The following UNC13B variants were observed in gnomAD, a reference collection of about 807,000 sequenced individuals.
The protein encoded by UNC13B is unc-13 homolog B, also known as protein unc-13 homolog B.
In UNC13B, 144 loss-of-function variants were observed where a neutral mutation model predicts 211.0. That is an observed-to-expected ratio of 0.68 (90% confidence interval 0.60 to 0.78). The LOEUF (loss-of-function observed/expected upper bound fraction) is 0.78, where lower values mean the gene tolerates loss of function less well. Ranked by LOEUF, UNC13B falls within the 30% of genes least tolerant of loss-of-function variation. The pLI, the probability that UNC13B is intolerant of heterozygous loss-of-function variation, is 0.00. For synonymous variants in UNC13B, 709 were observed against 725.8 expected, an observed-to-expected ratio of 0.98 and a Z score of 0.37; for missense variants, 1,777 against 2,002.0, an observed-to-expected ratio of 0.89 and a Z score of 2.14.
chr9:35,235,823 A>C (rs2381302), intron 3 of UNC13B, among the ~76,000 whole-genome samples: 84,128 of 151,984 alleles, frequency 0.55, 23,588 homozygotes, highest in East Asian at 0.58. Context: ...TTAACAATAA[A>C]ACATATAAAA....
intron 8 of UNC13B, among the ~76,000 whole-genome samples, chr9:35,298,173 C>T (rs1410743081): frequency 6.6e-6 from 1 of 152,168 alleles, no homozygotes; most frequent in African/African-American, 2.4e-5. Flanking sequence ...AATCCCAGCA[C>T]TTTGGGAGGC....
At chr9:35,292,115 G>A (rs975944228) in intron 7 of UNC13B, among the ~76,000 whole-genome samples, 4 of 152,110 alleles carry the variant, frequency 2.6e-5, no homozygotes, top group Non-Finnish European at 5.9e-5. Context: ...AAAAAAATGT[G>A]AATGAATTTT....
chr9:35,396,442 T>C (rs368586570), intron 26 of UNC13B, 34 bp from the exon 27 acceptor site: 2 of 1,613,338 alleles, frequency 1.2e-6, no homozygotes, highest in African/African-American at 2.7e-5. Context: ...CCTCTACTGC[T>C]GGGACCTGAC....
intron 1 of UNC13B, among the ~76,000 whole-genome samples, chr9:35,183,805 GA>G (rs2131312646): frequency 7.8e-6 from 1 of 127,654 alleles, no homozygotes; most frequent in African/African-American, 3.0e-5. Context: ...CATCCCAGAC[GA>G]TGGGCGGCCG....
intron 1 of UNC13B, among the ~76,000 whole-genome samples, chr9:35,184,568 C>T (rs763056063): frequency 4.6e-5 from 7 of 152,082 alleles, no homozygotes; most frequent in South Asian, 4.1e-4. Context: ...ACCAGTCAGG[C>T]GTGGCAGCGC....
chr9:35,362,412 G>A (rs1383486997), intron 11 of UNC13B, among the ~76,000 whole-genome samples: 1 of 152,200 alleles, frequency 6.6e-6, no homozygotes, highest in Non-Finnish European at 1.5e-5. Flanking sequence ...GATAAAGTAG[G>A]TATCTGAAGG....
chr9:35,298,628 G>C (rs1229259729), intron 8 of UNC13B, among the ~76,000 whole-genome samples: 1 of 152,154 alleles, frequency 6.6e-6, no homozygotes. Context: ...CCTTCTGGAA[G>C]ATTTTTAGTG....
At chr9:35,324,633 G>T (rs1307552490) in intron 11 of UNC13B, among the ~76,000 whole-genome samples, 1 of 152,138 alleles carries the variant, frequency 6.6e-6, no homozygotes, top group East Asian at 1.9e-4. Flanking sequence ...CCTCTTTGCA[G>T]TATTTGACAC....
intron 11 of UNC13B, among the ~76,000 whole-genome samples, chr9:35,326,829 A>G (rs1004143655): frequency 6.6e-6 from 1 of 152,274 alleles, no homozygotes; most frequent in African/African-American, 2.4e-5. Context: ...GGTAACTGAA[A>G]CCACAGAAAG....
Position 35,334,133 on chromosome 9 carries a change from C to T in UNC13B, c.9414+20144C>T, listed in dbSNP as rs1206871688. Among the ~76,000 whole-genome samples the T allele has an allele frequency of 1.3e-5, 2 of 151,924 alleles. 1 individual carries two copies. Among genetic ancestry groups the T allele is most frequent in the African/African-American group, 4.8e-5 (2 of 41,388 alleles). The stretch of plus-strand genomic sequence containing the variant: ...GGTGCCCACCACCATAACTGGCTAA[C>T]TTTTATATTTTTAGTAGAGACAGGG... On this transcript the variant is annotated intron_variant, in intron 11 of 39. Transcript: ENST00000635942.
At chr9:35,171,702 C>T (rs1336252394) in intron 1 of UNC13B, among the ~76,000 whole-genome samples, 1 of 152,198 alleles carries the variant, frequency 6.6e-6, no homozygotes, top group Non-Finnish European at 1.5e-5. Flanking sequence ...CTGTTCCCTA[C>T]CCCAGGCTAG....
chr9:35,376,347 C>A, intron 15 of UNC13B, 100 bp downstream of exon 15: 1 of 1,187,858 alleles, frequency 8.4e-7, no homozygotes, highest in Non-Finnish European at 1.2e-6. Flanking sequence ...ATCATTCCCC[C>A]AGTCCACCTG....
intron 7 of UNC13B, among the ~76,000 whole-genome samples, chr9:35,283,768 A>G (rs1239946100): frequency 6.6e-6 from 1 of 152,216 alleles, no homozygotes; most frequent in Admixed American, 6.5e-5. Context: ...TGGCCACATG[A>G]GAAGGTGACA....
chr9:35,177,598 T>C (rs1821709263), intron 1 of UNC13B, among the ~76,000 whole-genome samples: 2 of 152,240 alleles, frequency 1.3e-5, no homozygotes, highest in African/African-American at 4.8e-5. Flanking sequence ...TCTCAGTCCT[T>C]TTTATATCTT....
chr9:35,204,445 C>T (rs780910478), intron 1 of UNC13B, among the ~76,000 whole-genome samples: 8 of 152,192 alleles, frequency 5.3e-5, no homozygotes, highest in African/African-American at 1.7e-4. Context: ...AACTTGCACA[C>T]TGTGCCTGGA....
chr9:35,241,557 G>GCACA lies in UNC13B; in HGVS notation c.395-1698_395-1695dup, dbSNP rs3067420. Among the ~76,000 whole-genome samples the GCACA allele has an allele frequency of 7.5e-3, 1,094 of 145,038 alleles. 17 individuals carry two copies. The highest frequency in any genetic ancestry group is 0.023 in the South Asian group (104 of 4,460). ...TTCCAGAGTCAGTTTCTGAATATAAGCACACACACACACACACACACACAC... is the reference window on the plus strand; with the variant it reads ...TTCCAGAGTCAGTTTCTGAATATAAGCACACACACACACACACACACACACACAC... On this transcript the variant is annotated intron_variant, in intron 5 of 39. Transcript: ENST00000635942.
chr9:35,393,348 G>C (rs1458902984), intron 26 of UNC13B, among the ~76,000 whole-genome samples: 1 of 151,996 alleles, frequency 6.6e-6, no homozygotes, highest in Non-Finnish European at 1.5e-5. Flanking sequence ...GGGTGGTAGT[G>C]ACAAGAAAGG....
intron 22 of UNC13B, chr9:35,384,881 A>G (rs1298123349): frequency 9.0e-6 from 6 of 665,272 alleles, no homozygotes; most frequent in Admixed American, 6.3e-5. Flanking sequence ...GATCTTAGAA[A>G]TGGCTTCATT....
Position 35,403,770 on chromosome 9 carries a change from C to T in UNC13B, c.12760C>T (p.Pro4254Ser), listed in dbSNP as rs142697917. 778 of 1,614,046 alleles carry T rather than the reference C, an allele frequency of 4.8e-4. 4 individuals carry two copies. In the South Asian group the frequency reaches 5.6e-3, roughly 12 times the overall value. The change falls in exon 40 of 40, where the codon CCC becomes TCC. Residue 4254 changes from proline to serine, a missense_variant. Physicochemically the swap from Pro to Ser is moderately conservative, Grantham distance 74 (BLOSUM62 -1). Coordinates refer to ENST00000635942, the MANE Select transcript of UNC13B (RefSeq NM_001371189.2). Reference sequence around the variant, plus strand: ...CAGCCTCCTGGGAAATGAGGAGGGGCCCGAGTCCTATGAGTTGCAGATATG... The same window carrying T: ...CAGCCTCCTGGGAAATGAGGAGGGGTCCGAGTCCTATGAGTTGCAGATATG... ...FHFLLGNEEG[P>S]ESYELQICVK...
Sources: gnomAD v4.1 joint callset for allele counts (sites outside exome capture counted in the v4.1 genomes callset) on GRCh38, gnomAD v4.1.1 for gene constraint, MANE v1.5 for transcripts, NCBI Gene and HGNC (gene_info 2026-07-23, HGNC 2026-07-21) for gene names.